Variants in ANO3 observed in about 807,000 individuals in gnomAD.
The protein encoded by ANO3 is anoctamin 3.
A neutral mutation model predicts 144.8 loss-of-function variants in ANO3; 99 were observed. The observed-to-expected ratio is 0.68, with a 90% CI of 0.58 to 0.81. The LOEUF is 0.81. Among genes scored for constraint, ANO3 ranks in the 30% least tolerant of loss-of-function variants. ANO3 has a pLI of 0.00. For missense variants in ANO3, 905 were observed against 1,202.2 expected (o/e 0.75, Z 3.66); for synonymous variants, 414 against 392.6 (o/e 1.05, Z -0.64).
At chr11:26,562,177 G>A (rs1313285302) in intron 14 of ANO3, among the ~76,000 whole-genome samples, 8 of 151,974 alleles carry the variant, frequency 5.3e-5, no homozygotes, top group African/African-American at 1.4e-4. Context: ...GAAAACCACC[G>A]TTATAAATCC....
chr11:26,489,137 G>C lies in ANO3; in HGVS notation c.433-18967G>C, dbSNP rs533994231. 4.6e-5 allele frequency among the ~76,000 whole-genome samples: 7 copies of C among 152,284 alleles called. No homozygotes were observed. In the South Asian group the frequency reaches 8.3e-4, roughly 18 times the overall value. On this transcript the variant is annotated intron_variant, in intron 4 of 26. Transcript: ENST00000256737. ...CCAGGAGGAAAAAGTGGTTTCGTGG[G>C]CTGGCCCAGGGACCCTGTGCTGTGT... is the stretch of plus-strand genomic sequence containing the variant.
intron 14 of ANO3, chr11:26,563,316 C>T (rs757343636): frequency 7.2e-6 from 11 of 1,518,652 alleles, no homozygotes; most frequent in African/African-American, 2.9e-5. Flanking sequence ...TTCAAAGAAC[C>T]GAACTCTATG....
chr11:26,350,111 AG>A (rs1372794752), intron 1 of ANO3, among the ~76,000 whole-genome samples: 1 of 152,200 alleles, frequency 6.6e-6, no homozygotes, highest in Admixed American at 6.5e-5. Flanking sequence ...ATCTATGTGG[AG>A]AAACCGACAA....
chr11:26,259,057 A>T (rs1853122587), intron 1 of ANO3, among the ~76,000 whole-genome samples: 1 of 152,160 alleles, frequency 6.6e-6, no homozygotes, highest in Admixed American at 6.5e-5. Context: ...TCCACAATGA[A>T]AGGTTGATGA....
rs568843806 is a variant in ANO3, at chr11:26,295,347, T to C, written c.155-14298T>C. 1.5e-4 allele frequency among the ~76,000 whole-genome samples: 23 copies of C among 151,452 alleles called. 1 individual carries two copies. The South Asian group carries it at 4.8e-3, about 32-fold the overall frequency. ...TCCTGGCTAACACGGTAAAACCCCG[T>C]CTCTACTAAAAATAAAAATAAAAAA... On this transcript the variant is annotated intron_variant, in intron 1 of 27. Coordinates refer to the ANO3 transcript ENST00000672621.
chr11:26,417,067 GATTC>G (rs1857610772), intron 1 of ANO3, among the ~76,000 whole-genome samples: 1 of 151,972 alleles, frequency 6.6e-6, no homozygotes, highest in African/African-American at 2.4e-5. Context: ...CATACTATTG[GATTC>G]ATTCTCTAGA....
intron 14 of ANO3, among the ~76,000 whole-genome samples, chr11:26,574,420 A>G (rs1227364397): frequency 6.6e-6 from 1 of 152,152 alleles, no homozygotes; most frequent in African/African-American, 2.4e-5. Context: ...TGCTGATGTC[A>G]CATGTAGGGA....
chr11:26,219,148 A>G (rs1852092650), intron 1 of ANO3, among the ~76,000 whole-genome samples: 1 of 152,192 alleles, frequency 6.6e-6, no homozygotes, highest in Admixed American at 6.5e-5. Flanking sequence ...GTGACCAAAA[A>G]AAGAAAAATA....
intron 12 of ANO3, among the ~76,000 whole-genome samples, chr11:26,551,033 T>C (rs930516692): frequency 6.6e-6 from 1 of 151,956 alleles, no homozygotes; most frequent in Non-Finnish European, 1.5e-5. Flanking sequence ...TTAAAAGCAA[T>C]GATTTATCCA....
chr11:26,198,311 AT>A (rs1851628555), intron 1 of ANO3, among the ~76,000 whole-genome samples: 1 of 151,962 alleles, frequency 6.6e-6, no homozygotes, highest in Non-Finnish European at 1.5e-5. Flanking sequence ...CTAAGTGGAA[AT>A]TTTTTCCATC....
At chr11:26,619,674 C>A (rs1272901616) in intron 17 of ANO3, among the ~76,000 whole-genome samples, 1 of 152,158 alleles carries the variant, frequency 6.6e-6, no homozygotes. Context: ...ACCATGTTGG[C>A]CTGGCTGGTC....
At chr11:26,235,095 T>C (rs1852490275) in intron 1 of ANO3, among the ~76,000 whole-genome samples, 1 of 152,028 alleles carries the variant, frequency 6.6e-6, no homozygotes, top group Non-Finnish European at 1.5e-5. Flanking sequence ...GCAATGGATT[T>C]CTAGATGCCA....
intron 14 of ANO3, among the ~76,000 whole-genome samples, chr11:26,596,029 T>C (rs537588040): frequency 1.3e-5 from 2 of 152,350 alleles, no homozygotes; most frequent in South Asian, 4.1e-4. Context: ...TGTTTTGGGC[T>C]ATGCCCTTGT....
chr11:26,299,620 C>T (rs778347358), intron 1 of ANO3, among the ~76,000 whole-genome samples: 25 of 151,694 alleles, frequency 1.6e-4, no homozygotes, highest in Middle Eastern at 3.4e-3. Flanking sequence ...AGTGGGGAGG[C>T]GGAGACTGGC....
intron 18 of ANO3, among the ~76,000 whole-genome samples, chr11:26,627,376 T>G (rs766319877): frequency 2.2e-4 from 33 of 151,880 alleles, no homozygotes; most frequent in Admixed American, 6.6e-4. Context: ...GGTCTTCATT[T>G]CCTCACTGTT....
intron 1 of ANO3, among the ~76,000 whole-genome samples, chr11:26,336,462 T>C (rs1468062924): frequency 6.6e-6 from 1 of 152,244 alleles, no homozygotes; most frequent in Non-Finnish European, 1.5e-5. Flanking sequence ...CATTTAATAA[T>C]AAGAATGTTT....
chr11:26,297,437 G>A (rs1198031343), intron 1 of ANO3, among the ~76,000 whole-genome samples: 1 of 152,128 alleles, frequency 6.6e-6, no homozygotes, highest in Non-Finnish European at 1.5e-5. Flanking sequence ...TTGTAATTAT[G>A]CGGAACACAG....
intron 7 of ANO3, among the ~76,000 whole-genome samples, chr11:26,527,847 G>A (rs1287475579): frequency 6.8e-6 from 1 of 147,124 alleles, no homozygotes; most frequent in Non-Finnish European, 1.5e-5. Flanking sequence ...ACAGAGAGTA[G>A]CCAGTTTTGC....
At chr11:26,280,687 C>T (rs10834947) in intron 1 of ANO3, among the ~76,000 whole-genome samples, 32,336 of 152,058 alleles carry the variant, frequency 0.21, 4,162 homozygotes, top group African/African-American at 0.36. Flanking sequence ...CAGACACACC[C>T]AGGAAAATAC....
Sources: gnomAD v4.1 joint callset for allele counts (sites outside exome capture counted in the v4.1 genomes callset) on GRCh38, gnomAD v4.1.1 for gene constraint, MANE v1.5 for transcripts, NCBI Gene and HGNC (gene_info 2026-07-23, HGNC 2026-07-21) for gene names.